C1orf141: variants seen among roughly 807,000 people sequenced by gnomAD.
C1orf141 encodes chromosome 1 open reading frame 141.
In C1orf141, 19 loss-of-function variants were observed where a neutral mutation model predicts 23.2. The observed-to-expected ratio is 0.82, with a 90% CI of 0.57 to 1.20. The LOEUF (loss-of-function observed/expected upper bound fraction) is 1.20, where lower values mean the gene tolerates loss of function less well. Ranked by LOEUF, C1orf141 falls within the 50% of genes most tolerant of loss-of-function variation. The pLI, the probability that C1orf141 is intolerant of heterozygous loss-of-function variation, is 0.00. For synonymous variants in C1orf141, 153 were observed against 154.6 expected (o/e 0.99, Z 0.08); for missense variants, 469 against 455.1 (o/e 1.03, Z -0.28).
intron 4 of C1orf141, among the ~76,000 whole-genome samples, chr1:67,117,783 A>C (rs1276358371): frequency 1.3e-5 from 2 of 152,208 alleles, no homozygotes; most frequent in Non-Finnish European, 2.9e-5. Context: ...TATGTTTTTC[A>C]AATTCATTTG....
At chr1:67,138,289 T>C (rs6703475), upstream of C1orf141, among the ~76,000 whole-genome samples, 132,692 of 152,198 alleles carry the variant, frequency 0.87, 57,907 homozygotes, top group East Asian at 1. Context: ...TGCCCATTAC[T>C]TCTCTTATTC....
rs202220392 is a variant in C1orf141, at chr1:67,093,334, T to C, written c.874A>G (p.Thr292Ala). Residue 292 changes from threonine (T) to alanine (A), a missense_variant, in exon 8 of 8, where the codon ACT becomes GCT. Thr to Ala is a moderately conservative substitution (Grantham distance 58). This residue lies in a region of C1orf141 where 370 missense variants were observed against 348.1 expected (regional missense o/e 1.06). Coordinates refer to ENST00000684719, the MANE Select transcript of C1orf141 (RefSeq NM_001276351.2). ...IPMSFKAGHT[T>A]VDDKLKKKTN... ...TTCTTCTTTAGTTTATCATCTACAG[T>C]TGTGTGGCCCGCTTTAAAAGACATA... is the stretch of plus-strand genomic sequence containing the variant. The C allele has an allele frequency of 3.0e-5, 48 of 1,613,726 alleles. No homozygotes were observed. The highest frequency in any genetic ancestry group is 3.9e-5 in the Non-Finnish European group (46 of 1,179,772).
intron 1 of C1orf141, among the ~76,000 whole-genome samples, chr1:67,132,391 C>T (rs1486303144): frequency 5.3e-5 from 8 of 152,070 alleles, no homozygotes; most frequent in African/African-American, 1.9e-4. Context: ...GTCATGGTGG[C>T]GCACGCCTGT....
chr1:67,110,130 G>T (rs916034279), intron 5 of C1orf141, among the ~76,000 whole-genome samples: 2 of 152,006 alleles, frequency 1.3e-5, no homozygotes, highest in African/African-American at 4.8e-5. Flanking sequence ...GTTCAAAGCT[G>T]AATATAATAG....
chr1:67,108,637 A>G (rs149371197), intron 5 of C1orf141, among the ~76,000 whole-genome samples: 14,934 of 152,162 alleles, frequency 0.098, 1,157 homozygotes, highest in African/African-American at 0.21. Flanking sequence ...CTGAGGCAGT[A>G]GAATCACTGG....
At chr1:67,125,939 A>AG (rs1236431485) in intron 3 of C1orf141, 30 bp from the exon 4 acceptor site, 1 of 1,520,712 alleles carries the variant, frequency 6.6e-7, no homozygotes, top group African/African-American at 1.4e-5. Flanking sequence ...AAAAAAAAAA[A>AG]AAAAAAAAGA....
Position 67,128,799 on chromosome 1 carries a change from T to C in C1orf141, c.-17-1542A>G, listed in dbSNP as rs541580098. On this transcript the variant is annotated intron_variant, in intron 2 of 7. Coordinates refer to ENST00000684719, the MANE Select transcript of C1orf141 (RefSeq NM_001276351.2). ...CAGTGGCATTTAAGTGTAAAAGTGA[T>C]ATCGTTCACAGAAAGTACAGAATCA... 4.6e-5 allele frequency among the ~76,000 whole-genome samples: 7 copies of C among 152,292 alleles called. No individual in the cohort carries two copies. The East Asian group carries it at 1.2e-3, about 25-fold the overall frequency.
At chr1:67,100,632 C>G (rs1364020930) in intron 5 of C1orf141, among the ~76,000 whole-genome samples, 1 of 152,074 alleles carries the variant, frequency 6.6e-6, no homozygotes, top group Non-Finnish European at 1.5e-5. Context: ...CCTCTCTTTG[C>G]TAAGGAATTT....
intron 5 of C1orf141, among the ~76,000 whole-genome samples, 189 bp downstream of exon 5, chr1:67,115,163 T>C (rs1646168569): frequency 6.6e-6 from 1 of 152,252 alleles, no homozygotes; most frequent in South Asian, 2.1e-4. Flanking sequence ...ATTTTGTGAA[T>C]TGTATAAATT....
intron 5 of C1orf141, among the ~76,000 whole-genome samples, chr1:67,102,307 C>CGTGTGTGTGTGT (rs57508145): frequency 7.2e-5 from 10 of 139,594 alleles, no homozygotes; most frequent in African/African-American, 2.7e-4. Context: ...TCTTCTGCTC[C>CGTGTGTGTGTGT]GTGTGTGTGT....
At chr1:67,114,763 G>C (rs1570709782) in intron 5 of C1orf141, among the ~76,000 whole-genome samples, 2 of 152,216 alleles carry the variant, frequency 1.3e-5, no homozygotes, top group South Asian at 4.1e-4. Flanking sequence ...TGCAGCCTCT[G>C]CCTCCTGGGT....
intron 4 of C1orf141, chr1:67,123,628 A>G (rs1340522865): frequency 6.6e-6 from 1 of 152,200 alleles, no homozygotes; most frequent in East Asian, 1.9e-4. Context: ...TCTATAACTC[A>G]CTGAAGACTG....
In C1orf141 at chr1:67,093,254, T is replaced by C. The variant is rs768867203; in HGVS notation, c.954A>G (p.Ser318=). ...GTTTTGTTAGGCTAGAAAAATTCTG[T>C]GAGAAATTATAGAGTGTATTCCAAG... is the stretch of plus-strand genomic sequence containing the variant. ...NRSWNTLYNF[S]QNFSSLTKQF... is the part of the protein sequence containing the mutation. Residue 318 remains serine (S), a synonymous_variant, in exon 8 of 8, where the codon TCA becomes TCG. Coordinates refer to ENST00000684719, the MANE Select transcript of C1orf141 (RefSeq NM_001276351.2). 5 of 1,613,268 alleles carry C rather than the reference T, an allele frequency of 3.1e-6. No individual in the cohort carries two copies. In the South Asian group the frequency reaches 5.5e-5, roughly 18 times the overall value.
chr1:67,132,323 T>C (rs950281329), intron 1 of C1orf141, among the ~76,000 whole-genome samples: 3 of 151,884 alleles, frequency 2.0e-5, no homozygotes, highest in Non-Finnish European at 4.4e-5. Flanking sequence ...AGTCGAGACC[T>C]GCCTGGCCAA....
At chr1:67,134,516 C>A (rs1299642802) in intron 1 of C1orf141, among the ~76,000 whole-genome samples, 1 of 152,194 alleles carries the variant, frequency 6.6e-6, no homozygotes. Context: ...ATCAATTAAG[C>A]GGCCCCCAGA....
intron 5 of C1orf141, among the ~76,000 whole-genome samples, chr1:67,097,121 G>A (rs1645698111): frequency 6.6e-6 from 1 of 152,104 alleles, no homozygotes; most frequent in South Asian, 2.1e-4. Flanking sequence ...CTACTCAGGA[G>A]GCTGAAGTGG....
intron 1 of C1orf141, among the ~76,000 whole-genome samples, chr1:67,134,259 C>T (rs1570743041): frequency 6.6e-6 from 1 of 152,354 alleles, no homozygotes; most frequent in African/African-American, 2.4e-5. Flanking sequence ...CCGCCTTGGC[C>T]TCCCAAAGTG....
At chr1:67,134,335 G>T (rs1182615305) in intron 1 of C1orf141, among the ~76,000 whole-genome samples, 1 of 152,058 alleles carries the variant, frequency 6.6e-6, no homozygotes, top group Non-Finnish European at 1.5e-5. Context: ...AACTACTAAG[G>T]AATTTTAAAA....
At chr1:67,139,704 C>T (rs1295385912), upstream of C1orf141, among the ~76,000 whole-genome samples, 1 of 152,062 alleles carries the variant, frequency 6.6e-6, no homozygotes, top group Non-Finnish European at 1.5e-5. Flanking sequence ...GAGGTGAGGC[C>T]TTAATTTATA....
Sources: allele counts gnomAD v4.1 joint callset (sites outside exome capture counted in the v4.1 genomes callset), GRCh38; gene constraint gnomAD v4.1.1; regional missense constraint gnomAD v4.1.1; transcripts MANE v1.5; gene names NCBI Gene and HGNC (gene_info 2026-07-23, HGNC 2026-07-21).